Variants in CALN1 observed in about 807,000 individuals in gnomAD.
CALN1 encodes calcium-binding protein 8.
In CALN1, 17 loss-of-function variants were observed where a neutral mutation model predicts 30.6. That is an observed-to-expected ratio of 0.56 (90% CI 0.38 to 0.83). The LOEUF (loss-of-function observed/expected upper bound fraction) is 0.83, where lower values mean the gene tolerates loss of function less well. Ranked by LOEUF, CALN1 falls within the 40% of genes least tolerant of loss-of-function variation. The pLI is 0.00. For missense variants in CALN1, 291 were observed against 354.9 expected (o/e 0.82, Z 1.45); for synonymous variants, 156 against 131.4 (o/e 1.19, Z -1.28).
At chr7:72,386,306 G>A (rs561588198) in intron 2 of CALN1, among the ~76,000 whole-genome samples, 1 of 152,300 alleles carries the variant, frequency 6.6e-6, no homozygotes, top group African/African-American at 2.4e-5. Context: ...AAATCAATCT[G>A]TGTTACAAAT....
chr7:72,365,757 T>C (rs1213028125), intron 2 of CALN1, among the ~76,000 whole-genome samples: 1 of 152,012 alleles, frequency 6.6e-6, no homozygotes, highest in Non-Finnish European at 1.5e-5. Flanking sequence ...TCACGAATAA[T>C]CAAAGAAACA....
At chr7:71,905,382 G>GT (rs57155520) in intron 5 of CALN1, among the ~76,000 whole-genome samples, 35,389 of 145,186 alleles carry the variant, frequency 0.24, 4,491 homozygotes, top group Middle Eastern at 0.39. Context: ...CTAATGTGTA[G>GT]TTTTTTTTTT....
chr7:72,475,395 G>A, the CALN1 span, among the ~76,000 whole-genome samples: 1 of 152,110 alleles, frequency 6.6e-6, no homozygotes, highest in Non-Finnish European at 1.5e-5. Context: ...GTGGACGGAG[G>A]TTGCAGTGAG....
Position 72,268,793 on chromosome 7 carries a change from C to CCCCA in CALN1, c.244+9892_244+9893insTGGG, listed in dbSNP as rs71515103. Among the ~76,000 whole-genome samples the CCCCA allele has an allele frequency of 8.5e-4, 124 of 145,932 alleles. 3 individuals are homozygous for CCCCA. In the South Asian group the frequency reaches 0.027, roughly 31 times the overall value. On this transcript the variant is annotated intron_variant, in intron 3 of 6. Coordinates refer to ENST00000395275, the MANE Select transcript of CALN1 (RefSeq NM_031468.4). Reference sequence around the variant, plus strand: ...GCCTGGGCAACAGAGCAAGACCCTGCCACACACACACACACACACACACAC... The same window carrying CCCCA: ...GCCTGGGCAACAGAGCAAGACCCTGCCCCACACACACACACACACACACACACAC...
chr7:72,349,638 A>G (rs953723755), intron 2 of CALN1, among the ~76,000 whole-genome samples: 2 of 152,148 alleles, frequency 1.3e-5, no homozygotes, highest in East Asian at 3.9e-4. Context: ...AACAAAAACA[A>G]AAATACTGAG....
In CALN1 at chr7:71,885,387, C is replaced by T. The variant is rs1220273891; in HGVS notation, c.502-74895G>A. ...CAGGATGGTCTTGATCTCCTGATAT[C>T]GTGATCCGCCCACCTCGGCCTCCCG... On this transcript the variant is annotated intron_variant, in intron 5 of 6. Transcript: ENST00000395275. 3.3e-5 allele frequency among the ~76,000 whole-genome samples: 5 copies of T among 152,304 alleles called. No individual in the cohort carries two copies. The East Asian group carries it at 7.7e-4, about 24-fold the overall frequency.
chr7:71,981,141 C>T (rs1288041357), intron 5 of CALN1, among the ~76,000 whole-genome samples: 1 of 152,128 alleles, frequency 6.6e-6, no homozygotes, highest in Non-Finnish European at 1.5e-5. Flanking sequence ...GTTCCTGGTC[C>T]ATAACTCCCT....
intron 3 of CALN1, among the ~76,000 whole-genome samples, chr7:72,270,064 C>A (rs888051560): frequency 1.3e-5 from 2 of 151,666 alleles, no homozygotes; most frequent in African/African-American, 4.8e-5. Context: ...AATGAAAATT[C>A]TAGATCTGAA....
chr7:72,106,718 AAGGGAGGGAGGG>A lies in CALN1; in HGVS notation c.245-436_245-425del, dbSNP rs1166644960. 1.4e-4 allele frequency among the ~76,000 whole-genome samples: 7 copies of A among 49,980 alleles called. 1 individual carries two copies. The highest frequency in any genetic ancestry group is 2.3e-4 in the Non-Finnish European group (6 of 26,038). The allele number at this position is 49,980 out of a possible 152,430, so 32.8% of individuals were successfully genotyped here. A position where few individuals can be genotyped will look rare whatever the true frequency, so the allele number is the denominator to read the frequency against. Reference sequence around the variant, plus strand: ...GGAGGGAGGAAGGGAGGGAGGGAGGAAGGGAGGGAGGGAGGAAGGGAGGGAGGAAGGAAGGGA... The same window carrying A: ...GGAGGGAGGAAGGGAGGGAGGGAGGAAGGAAGGGAGGGAGGAAGGAAGGGA... On this transcript the variant is annotated intron_variant, in intron 3 of 6. Transcript: ENST00000395275.
At chr7:72,228,792 T>C (rs1002139537) in intron 3 of CALN1, among the ~76,000 whole-genome samples, 1 of 151,410 alleles carries the variant, frequency 6.6e-6, no homozygotes, top group African/African-American at 2.4e-5. Flanking sequence ...GACAAGGTCT[T>C]GCTCTATAGT....
intron 5 of CALN1, among the ~76,000 whole-genome samples, chr7:71,991,975 A>T (rs973527382): frequency 2.0e-5 from 3 of 152,372 alleles, no homozygotes; most frequent in Middle Eastern, 3.4e-3. Flanking sequence ...GGCAGCTGTA[A>T]CCTAGGCAGC....
chr7:72,080,190 C>T (rs189599224), intron 4 of CALN1, among the ~76,000 whole-genome samples: 235 of 152,296 alleles, frequency 1.5e-3, no homozygotes, highest in Non-Finnish European at 2.2e-3. Flanking sequence ...CTGTGCAGAA[C>T]GAACCTGTTA....
intron 2 of CALN1, among the ~76,000 whole-genome samples, chr7:72,294,814 G>A (rs1429533502): frequency 2.0e-5 from 3 of 151,476 alleles, no homozygotes; most frequent in South Asian, 2.1e-4. Context: ...AGTCTTTAAA[G>A]ACACCCTATA....
chr7:71,915,192 G>C (rs1794625880), intron 5 of CALN1, among the ~76,000 whole-genome samples: 1 of 152,088 alleles, frequency 6.6e-6, no homozygotes, highest in Admixed American at 6.5e-5. Context: ...CCCCCTTAGG[G>C]GGCCAAGGTC....
At chr7:72,430,414 T>C (rs1208778094) in intron 1 of CALN1, among the ~76,000 whole-genome samples, 1 of 151,830 alleles carries the variant, frequency 6.6e-6, no homozygotes, top group African/African-American at 2.4e-5. Flanking sequence ...AATTATGATG[T>C]TTAAGGTTAA....
intron 1 of CALN1, among the ~76,000 whole-genome samples, chr7:72,426,916 G>A (rs1055328891): frequency 6.6e-6 from 1 of 152,120 alleles, no homozygotes; most frequent in Non-Finnish European, 1.5e-5. Context: ...TCTTACCCAA[G>A]CCCCTGTCTT....
intron 3 of CALN1, among the ~76,000 whole-genome samples, chr7:72,113,612 C>T (rs1210476660): frequency 2.0e-5 from 3 of 152,228 alleles, no homozygotes; most frequent in Non-Finnish European, 4.4e-5. Flanking sequence ...TAGCTCACCA[C>T]CTTCTTTCAC....
intron 5 of CALN1, among the ~76,000 whole-genome samples, chr7:71,849,879 C>T (rs1008516): frequency 0.17 from 26,522 of 152,060 alleles, 2,792 homozygotes; most frequent in Non-Finnish European, 0.22. Context: ...GCAATCCTCC[C>T]GCCCAGGCCT....
chr7:72,340,349 T>C (rs1465661069), intron 2 of CALN1, among the ~76,000 whole-genome samples: 1 of 151,616 alleles, frequency 6.6e-6, no homozygotes, highest in Non-Finnish European at 1.5e-5. Flanking sequence ...TTGGGATTAC[T>C]AGTCCCAATG....
Sources: allele counts gnomAD v4.1 joint callset (sites outside exome capture counted in the v4.1 genomes callset), GRCh38; gene constraint gnomAD v4.1.1; transcripts MANE v1.5; gene names NCBI Gene and HGNC (gene_info 2026-07-23, HGNC 2026-07-21).